DOCK11: variants seen among roughly 807,000 people sequenced by gnomAD.
DOCK11 encodes the protein dedicator of cytokinesis protein 11.
In DOCK11, 70 loss-of-function variants were observed where a neutral mutation model predicts 169.1. The ratio of observed to expected loss-of-function variants is 0.41; its 90% CI spans 0.34 to 0.51. The LOEUF (loss-of-function observed/expected upper bound fraction) is 0.51. Ranked by LOEUF, DOCK11 falls within the 20% of genes least tolerant of loss-of-function variation. The pLI is 0.10. For synonymous variants in DOCK11, 529 were observed against 541.3 expected, an observed-to-expected ratio of 0.98 and a Z score of 0.32; for missense variants, 1,166 against 1,538.8, an observed-to-expected ratio of 0.76 and a Z score of 4.05.
Position 118,578,572 on chromosome X carries a change from C to A in DOCK11, c.1437C>A (p.Ala479=). Residue 479 remains alanine (A), a synonymous_variant, in exon 13 of 53, where the codon GCC becomes GCA. Coordinates refer to ENST00000276202, the MANE Select transcript of DOCK11 (RefSeq NM_144658.4). The part of the protein sequence containing the change: ...TNPHPEIFLV[A]RIEKVLQGNI... ...CACATCCTGAAATTTTTCTAGTTGC[C>A]AGAATTGAAAAGGTACTACAGGGAA... The A allele has an allele frequency of 8.3e-7, 1 of 1,208,424 alleles. No homozygotes were observed. Among genetic ancestry groups the A allele is most frequent in the Non-Finnish European group, 1.1e-6 (1 of 893,176 alleles).
At chrX:118,560,073 A>C (rs777001800) in intron 6 of DOCK11, among the ~76,000 whole-genome samples, 1 of 111,071 alleles carries the variant, frequency 9.0e-6, no homozygotes, top group Non-Finnish European at 1.9e-5. Context: ...TTATCAGTCT[A>C]ACCTGTTAGG....
intron 16 of DOCK11, among the ~76,000 whole-genome samples, chrX:118,586,901 T>TAA (rs35094839): frequency 9.1e-6 from 1 of 110,245 alleles, no homozygotes; most frequent in South Asian, 3.8e-4. Flanking sequence ...GGTAATGCCT[T>TAA]AAAAAATTGA....
intron 31 of DOCK11, 138 bp downstream of exon 31, chrX:118,618,866 T>C (rs575395788): frequency 9.6e-6 from 4 of 418,601 alleles, no homozygotes; most frequent in East Asian, 5.4e-5. Flanking sequence ...TCATAAGTTG[T>C]TTTTTTTTTG....
Position 118,545,305 on chromosome X carries a change from G to T in DOCK11, c.393-18G>T. On this transcript the variant is annotated intron_variant, in intron 4 of 52. Transcript: ENST00000276202. The stretch of plus-strand genomic sequence containing the variant: ...TTTGGTCTTTTTAGTGTCTAAGACA[G>T]TTCTCTTATATTTGCAGTAAATCTT... 1 of 1,140,221 alleles carries T rather than the reference G, an allele frequency of 8.8e-7. No homozygotes were observed. The highest frequency in any genetic ancestry group is 1.2e-6 in the Non-Finnish European group (1 of 842,292). 94.0% of individuals were successfully genotyped at this position (1,140,221 alleles called of 1,213,427 possible).
At chrX:118,572,652 G>A (rs1264436872) in intron 11 of DOCK11, among the ~76,000 whole-genome samples, 189 bp downstream of exon 11, 2 of 112,086 alleles carry the variant, frequency 1.8e-5, no homozygotes, top group Non-Finnish European at 3.8e-5. Context: ...ATAAAAAAAT[G>A]AAGAAACATC....
Position 118,610,357 on chromosome X carries a change from G to A in DOCK11, c.3035G>A (p.Arg1012Gln), listed in dbSNP as rs761155004. 3.3e-6 allele frequency: 4 copies of A among 1,210,814 alleles called. No homozygotes were observed. Among genetic ancestry groups the A allele is most frequent in the Non-Finnish European group, 3.4e-6 (3 of 895,166 alleles). Residue 1012 changes from arginine (R) to glutamine (Q), a missense_variant, in exon 28 of 53, where the codon CGG (arginine) becomes CAG (glutamine). Physicochemically the swap from Arg to Gln is conservative, Grantham distance 43 (BLOSUM62 1). Transcript: ENST00000276202. Reference protein sequence around the residue: ...LLAIIPHVTIRYAEIPDESRN... With the variant: ...LLAIIPHVTIQYAEIPDESRN... ...GCAATAATTCCCCATGTGACTATTC[G>A]GTATGCGGAGATTCCCGATGAGTCC...
intron 1 of DOCK11, among the ~76,000 whole-genome samples, chrX:118,500,644 C>G (rs1274850079): frequency 9.2e-6 from 1 of 109,191 alleles, no homozygotes; most frequent in Non-Finnish European, 1.9e-5. Context: ...TTTTTTGAGA[C>G]AAAGTCTTGC....
chrX:118,578,153 T>C (rs1340167424), intron 12 of DOCK11, among the ~76,000 whole-genome samples: 2 of 112,017 alleles, frequency 1.8e-5, no homozygotes, highest in Non-Finnish European at 3.8e-5. Flanking sequence ...TCCTTCTTAG[T>C]GGAAATAAAT....
At chrX:118,592,783 ATT>A (rs2014043524) in intron 19 of DOCK11, among the ~76,000 whole-genome samples, 1 of 112,439 alleles carries the variant, frequency 8.9e-6, no homozygotes, top group African/African-American at 3.2e-5. Flanking sequence ...TTGCATATTT[ATT>A]TGTAATGGCT....
intron 6 of DOCK11, among the ~76,000 whole-genome samples, chrX:118,553,462 C>T (rs1173386387): frequency 8.9e-6 from 1 of 111,911 alleles, no homozygotes; most frequent in Non-Finnish European, 1.9e-5. Context: ...CTAGCTCTCT[C>T]CTCCCCATTC....
At chrX:118,548,783 G>C (rs1487809709) in intron 6 of DOCK11, among the ~76,000 whole-genome samples, 8 of 112,263 alleles carry the variant, frequency 7.1e-5, no homozygotes, top group African/African-American at 2.6e-4. Context: ...GAAACTATAA[G>C]ATAATAAATT....
Position 118,649,086 on chromosome X carries a change from G to C in DOCK11, c.4540G>C (p.Glu1514Gln). The change falls in exon 41 of 53, where the codon GAG (glutamate) becomes CAG (glutamine). Residue 1514 changes from glutamate to glutamine, a missense_variant. Transcript: ENST00000276202. ...GTATCTTTTGATGAGAAACAACTTT[G>C]AGTATACCAAAAGGAAAACCTTTTT... ...LLYLLMRNNF[E>Q]YTKRKTFLRT... 8.3e-7 allele frequency: 1 copy of C among 1,203,597 alleles called. No homozygotes were observed. The highest frequency in any genetic ancestry group is 1.8e-5 in the South Asian group (1 of 55,202).
chrX:118,680,774 A>G, intron 49 of DOCK11, 82 bp downstream of exon 49: 1 of 805,705 alleles, frequency 1.2e-6, no homozygotes, highest in South Asian at 3.0e-5. Context: ...CAGCTGGAAC[A>G]TACAACTGAA....
intron 23 of DOCK11, among the ~76,000 whole-genome samples, chrX:118,603,123 A>AG (rs758880504): frequency 1.1e-4 from 12 of 112,286 alleles, no homozygotes; most frequent in African/African-American, 3.9e-4. Flanking sequence ...AGACAACCTT[A>AG]GGGGGTAAAG....
intron 44 of DOCK11, among the ~76,000 whole-genome samples, chrX:118,660,614 G>A (rs1312512690): frequency 2.8e-5 from 3 of 108,879 alleles, no homozygotes; most frequent in Non-Finnish European, 3.8e-5. Context: ...ACAGGCACCC[G>A]CCACCACGCC....
At chrX:118,567,236 T>A (rs1259996561) in intron 9 of DOCK11, among the ~76,000 whole-genome samples, 4 of 111,536 alleles carry the variant, frequency 3.6e-5, no homozygotes, top group African/African-American at 1.3e-4. Context: ...TTATAGTAGA[T>A]TAGAAGGTTG....
intron 35 of DOCK11, among the ~76,000 whole-genome samples, chrX:118,631,038 T>G (rs903665322): frequency 3.6e-5 from 4 of 111,402 alleles, no homozygotes; most frequent in African/African-American, 1.3e-4. Context: ...CCAGTTCCTC[T>G]TTACACTATA....
chrX:118,602,728 A>C (rs1054347258), intron 23 of DOCK11, among the ~76,000 whole-genome samples: 4 of 111,607 alleles, frequency 3.6e-5, no homozygotes, highest in Non-Finnish European at 5.7e-5. Context: ...TTTAGTAGAG[A>C]CAGGGTTTCA....
intron 40 of DOCK11, among the ~76,000 whole-genome samples, chrX:118,647,971 TA>T (rs1256602044): frequency 2.6e-5 from 1 of 37,766 alleles, no homozygotes; most frequent in Non-Finnish European, 4.7e-5. Flanking sequence ...AATATATAAT[TA>T]TATATAATAT....
Sources: allele counts gnomAD v4.1 joint callset (sites outside exome capture counted in the v4.1 genomes callset), GRCh38; gene constraint gnomAD v4.1.1; transcripts MANE v1.5; gene names NCBI Gene and HGNC (gene_info 2026-07-23, HGNC 2026-07-21).